SNX14: variants seen among roughly 807,000 people sequenced by gnomAD.
SNX14 encodes sorting nexin-14.
A neutral mutation model predicts 133.8 loss-of-function variants in SNX14; 93 were observed. The observed-to-expected ratio is 0.70, with a 90% CI of 0.59 to 0.83. The LOEUF (loss-of-function observed/expected upper bound fraction) is 0.83. Among genes scored for constraint, SNX14 ranks in the 40% least tolerant of loss-of-function variants. SNX14 has a pLI of 0.00. For synonymous variants in SNX14, 368 were observed against 365.6 expected, an observed-to-expected ratio of 1.01 and a Z score of -0.07; for missense variants, 945 against 1,094.9, an observed-to-expected ratio of 0.86 and a Z score of 1.93.
intron 15 of SNX14, 108 bp from the exon 16 acceptor site, chr6:85,538,972 G>A: frequency 2.3e-6 from 2 of 868,480 alleles, no homozygotes; most frequent in East Asian, 2.8e-5. Context: ...AGCTTCAGAA[G>A]TTACACAGGT....
chr6:85,548,266 T>A, intron 9 of SNX14, 35 bp downstream of exon 9: 1 of 1,448,690 alleles, frequency 6.9e-7, no homozygotes, highest in Non-Finnish European at 9.6e-7. Flanking sequence ...TTAAGTGTAA[T>A]TTGTAACAAT....
Position 85,547,388 on chromosome 6 carries a change from C to A in SNX14, c.922G>T (p.Ala308Ser). The change falls in exon 11 of 29, where the codon GCA (alanine) becomes TCA (serine). Residue 308 changes from alanine (A) to serine (S), a missense_variant. Physicochemically the swap from Ala to Ser is moderately conservative, Grantham distance 99. Coordinates refer to ENST00000314673, the MANE Select transcript of SNX14 (RefSeq NM_153816.6). ...ACCAAAGGAGAAGCCGGTTCAGTTG[C>A]TTTTTCAGGCTTTGAAAGAAAGAGA... ...IFIDDSPPEK[A>S]TEPASPLVPF... 1 of 1,613,206 alleles carries A rather than the reference C, an allele frequency of 6.2e-7. No individual in the cohort carries two copies. Among genetic ancestry groups the A allele is most frequent in the South Asian group, 1.1e-5 (1 of 90,648 alleles).
intron 18 of SNX14, among the ~76,000 whole-genome samples, chr6:85,532,309 A>G (rs1009930884): frequency 1.3e-5 from 2 of 152,154 alleles, no homozygotes; most frequent in Admixed American, 6.5e-5. Context: ...CTGAACAGCA[A>G]CTCCAGCAAA....
Position 85,577,354 on chromosome 6 carries a change from G to A in SNX14, c.141-2976C>T, listed in dbSNP as rs1262868166. On this transcript the variant is annotated intron_variant, in intron 1 of 28. Transcript: ENST00000314673. ...AATTGCTTGAACCTGGGAGGTGGAG[G>A]CTGCAGTAAGCTGAGATCACGCCAC... Among the ~76,000 whole-genome samples the A allele has an allele frequency of 2.6e-5, 4 of 152,240 alleles. No individual in the cohort carries two copies. The East Asian group carries it at 7.7e-4, about 29-fold the overall frequency.
intron 7 of SNX14, among the ~76,000 whole-genome samples, chr6:85,557,691 A>T (rs190388939): frequency 6.6e-6 from 1 of 152,346 alleles, no homozygotes; most frequent in East Asian, 1.9e-4. Context: ...TGAAACCATT[A>T]AGGAGAAAGG....
At chr6:85,587,117 T>G (rs902355714) in intron 1 of SNX14, among the ~76,000 whole-genome samples, 1 of 151,500 alleles carries the variant, frequency 6.6e-6, no homozygotes, top group African/African-American at 2.4e-5. Flanking sequence ...TGGCCTCAAG[T>G]GATCCTCCCA....
chr6:85,529,272 TGAAG>T (rs1353463320), intron 19 of SNX14, among the ~76,000 whole-genome samples: 1 of 120,384 alleles, frequency 8.3e-6, no homozygotes, highest in Non-Finnish European at 1.7e-5. Context: ...AACAAGGAAA[TGAAG>T]GAAGGAAGGA....
chr6:85,518,087 A>C (rs766912823), intron 21 of SNX14, 39 bp from the exon 22 acceptor site: 20 of 1,519,260 alleles, frequency 1.3e-5, no homozygotes, highest in Middle Eastern at 2.2e-4. Flanking sequence ...GGAAGGCATA[A>C]AACTCTTCAT....
rs979019503 is a variant in SNX14 at position 85,524,202 on chromosome 6, G to A, written c.2107+1924C>T. ...GACTCCATCTCAAAAAAGAAAGAAA[G>A]AAAGAAAGAAAGAAAAAGAGAAACA... On this transcript the variant is annotated intron_variant, in intron 21 of 28. Coordinates refer to ENST00000314673, the MANE Select transcript of SNX14 (RefSeq NM_153816.6). 2.0e-5 allele frequency among the ~76,000 whole-genome samples: 3 copies of A among 151,728 alleles called. No individual in the cohort carries two copies. The East Asian group carries it at 5.8e-4, about 29-fold the overall frequency.
chr6:85,550,762 T>C (rs960492235), intron 7 of SNX14, among the ~76,000 whole-genome samples: 1 of 151,880 alleles, frequency 6.6e-6, no homozygotes, highest in African/African-American at 2.4e-5. Flanking sequence ...GCCTCCCAAA[T>C]TGCTGGGATT....
At chr6:85,554,571 C>T (rs1249552664) in intron 7 of SNX14, among the ~76,000 whole-genome samples, 1 of 152,088 alleles carries the variant, frequency 6.6e-6, no homozygotes. Flanking sequence ...AATTTACTAT[C>T]ATGATATTTA....
chr6:85,513,788 T>C lies in SNX14; in HGVS notation c.2653+12A>G. Reference sequence around the variant, plus strand: ...ATCTATATGAAATTAAGTTACTTCTTAAATATTACACCTGGAATGTAATTC... The same window carrying C: ...ATCTATATGAAATTAAGTTACTTCTCAAATATTACACCTGGAATGTAATTC... On this transcript the variant is annotated intron_variant, in intron 26 of 28. Coordinates refer to ENST00000314673, the MANE Select transcript of SNX14 (RefSeq NM_153816.6). 1.3e-6 allele frequency: 2 copies of C among 1,585,474 alleles called. No individual in the cohort carries two copies. The highest frequency in any genetic ancestry group is 1.3e-5 in the African/African-American group (1 of 74,298).
In SNX14 at chr6:85,529,053, A is replaced by G. The variant is rs113836215; in HGVS notation, c.1895-691T>C. Among the ~76,000 whole-genome samples, 642 of 143,728 alleles carry G rather than the reference A, an allele frequency of 4.5e-3. 7 individuals carry two copies. Among genetic ancestry groups the G allele is most frequent in the African/African-American group, 0.015 (607 of 39,534 alleles). The allele number at this position is 143,728 out of a possible 152,430, so 94.3% of individuals were successfully genotyped here. On this transcript the variant is annotated intron_variant, in intron 19 of 28. Coordinates refer to ENST00000314673, the MANE Select transcript of SNX14 (RefSeq NM_153816.6). ...GGTGACAGAGTGAGACTCACCTCAG[A>G]AAAAAAAAAAAAAGGCCACCAACAT...
intron 2 of SNX14, 78 bp downstream of exon 2, chr6:85,574,180 G>A (rs1200504910): frequency 8.8e-7 from 1 of 1,141,468 alleles, no homozygotes; most frequent in African/African-American, 1.6e-5. Context: ...AAAATATACT[G>A]CTTTAGCAGG....
At chr6:85,513,175 C>T (rs1406043458) in intron 26 of SNX14, among the ~76,000 whole-genome samples, 2 of 152,130 alleles carry the variant, frequency 1.3e-5, no homozygotes, top group African/African-American at 4.8e-5. Flanking sequence ...TGCTTTGATC[C>T]CTTGACATTT....
chr6:85,551,704 C>G (rs1352488871), intron 7 of SNX14, among the ~76,000 whole-genome samples: 1 of 152,188 alleles, frequency 6.6e-6, no homozygotes. Context: ...CTCTCAAATT[C>G]CTTTTCAGAG....
intron 18 of SNX14, among the ~76,000 whole-genome samples, chr6:85,532,425 C>T (rs1056556798): frequency 1.6e-4 from 24 of 152,214 alleles, no homozygotes; most frequent in Admixed American, 7.9e-4. Flanking sequence ...CTCCCAATTC[C>T]TATGTCTCAT....
chr6:85,580,666 C>A (rs1021343427), intron 1 of SNX14, among the ~76,000 whole-genome samples: 4 of 152,020 alleles, frequency 2.6e-5, no homozygotes, highest in African/African-American at 9.7e-5. Context: ...ACTAAGGAGG[C>A]CTTGGGCTTA....
chr6:85,572,927 C>A (rs1472832070), intron 2 of SNX14, among the ~76,000 whole-genome samples: 1 of 152,162 alleles, frequency 6.6e-6, no homozygotes, highest in Admixed American at 6.5e-5. Context: ...CCACTGCACT[C>A]TAGCCTGTGC....
Sources: gnomAD v4.1 joint callset for allele counts (sites outside exome capture counted in the v4.1 genomes callset) on GRCh38, gnomAD v4.1.1 for gene constraint, MANE v1.5 for transcripts, NCBI Gene and HGNC (gene_info 2026-07-23, HGNC 2026-07-21) for gene names.